Variants in LINC00305 observed in about 807,000 individuals in gnomAD.
LINC00305 encodes the protein long independently transcribed non-coding RNA 305.
At chr18:64,109,564 C>T (rs1365729646) in intron 1 of LINC00305, among the ~76,000 whole-genome samples, 1 of 152,234 alleles carries the variant, frequency 6.6e-6, no homozygotes, top group Admixed American at 6.5e-5. Flanking sequence ...GCCTCATCGT[C>T]ATCATCATGA....
chr18:64,146,131 C>A (rs979076664), intron 1 of LINC00305, among the ~76,000 whole-genome samples: 1 of 151,982 alleles, frequency 6.6e-6, no homozygotes, highest in African/African-American at 2.4e-5. Flanking sequence ...TTATTCAGCA[C>A]TGAGTTAATT....
At chr18:64,143,506 T>A (rs1243096150) in intron 1 of LINC00305, among the ~76,000 whole-genome samples, 3 of 137,822 alleles carry the variant, frequency 2.2e-5, no homozygotes, top group Non-Finnish European at 4.4e-5. Context: ...TATATATATG[T>A]ATACCATCAA....
chr18:64,145,572 C>A (rs2051493569), intron 1 of LINC00305, among the ~76,000 whole-genome samples: 1 of 152,106 alleles, frequency 6.6e-6, no homozygotes, highest in Non-Finnish European at 1.5e-5. Context: ...CACAATAACC[C>A]AGATAATATT....
chr18:64,115,506 G>A (rs996348803), intron 1 of LINC00305, among the ~76,000 whole-genome samples: 1 of 152,056 alleles, frequency 6.6e-6, no homozygotes, highest in Non-Finnish European at 1.5e-5. Context: ...GTAGGAGGGG[G>A]AACGTGAGGG....
intron 3 of LINC00305, among the ~76,000 whole-genome samples, chr18:64,084,499 A>C (rs1483739030): frequency 6.6e-6 from 1 of 152,228 alleles, no homozygotes; most frequent in Non-Finnish European, 1.5e-5. Context: ...AAAAAGTTAA[A>C]AAACAATGTT....
At chr18:64,098,666 T>A (rs979941188) in intron 1 of LINC00305, 2 of 420,760 alleles carry the variant, frequency 4.8e-6, no homozygotes, top group Non-Finnish European at 9.4e-6. Context: ...GAAAATAAAT[T>A]GTTGTTTTCA....
chr18:64,092,477 G>A (rs1273576557), intron 3 of LINC00305, among the ~76,000 whole-genome samples: 6 of 152,114 alleles, frequency 3.9e-5, no homozygotes, highest in Non-Finnish European at 5.9e-5. Flanking sequence ...CCGGAGAATC[G>A]CTTGAACCCG....
chr18:64,097,448 C>T (rs1451519066), intron 3 of LINC00305, among the ~76,000 whole-genome samples: 1 of 152,074 alleles, frequency 6.6e-6, no homozygotes, highest in Non-Finnish European at 1.5e-5. Context: ...AGAAATACAA[C>T]TTACTGTAAC....
At chr18:64,096,313 A>C (rs1340235993) in intron 3 of LINC00305, among the ~76,000 whole-genome samples, 2 of 152,004 alleles carry the variant, frequency 1.3e-5, no homozygotes, top group African/African-American at 4.8e-5. Context: ...AAAATCTTAG[A>C]AGTTTTTAAA....
intron 1 of LINC00305, among the ~76,000 whole-genome samples, chr18:64,103,699 A>G (rs1326713623): frequency 6.6e-6 from 1 of 152,206 alleles, no homozygotes; most frequent in African/African-American, 2.4e-5. Context: ...ATGGCTGATA[A>G]CCAGCATTGT....
intron 1 of LINC00305, among the ~76,000 whole-genome samples, chr18:64,146,802 T>C (rs2051500301): frequency 6.6e-6 from 1 of 152,130 alleles, no homozygotes; most frequent in South Asian, 2.1e-4. Flanking sequence ...GCTGAGAATT[T>C]CTCTAGCAGA....
chr18:64,134,417 C>A (rs546930738), intron 1 of LINC00305, among the ~76,000 whole-genome samples: 2 of 152,324 alleles, frequency 1.3e-5, no homozygotes, highest in African/African-American at 4.8e-5. Context: ...TATGACTTCT[C>A]TGCTTCCCTA....
intron 1 of LINC00305, among the ~76,000 whole-genome samples, chr18:64,111,935 G>T (rs1408861275): frequency 6.6e-6 from 1 of 152,218 alleles, no homozygotes; most frequent in East Asian, 1.9e-4. Context: ...GTGAGAAAAA[G>T]TGAGAGCTTA....
At chr18:64,145,951 T>C (rs2051495728) in intron 1 of LINC00305, among the ~76,000 whole-genome samples, 1 of 152,130 alleles carries the variant, frequency 6.6e-6, no homozygotes, top group Non-Finnish European at 1.5e-5. Context: ...ACAAGATAGA[T>C]TGCAGACAAA....
chr18:64,091,752 A>G (rs947327349), intron 3 of LINC00305, among the ~76,000 whole-genome samples: 1 of 152,250 alleles, frequency 6.6e-6, no homozygotes, highest in East Asian at 1.9e-4. Flanking sequence ...ATCTGAAAGC[A>G]GATGACATAG....
chr18:64,121,265 G>C (rs374909153), intron 1 of LINC00305, among the ~76,000 whole-genome samples: 2 of 151,932 alleles, frequency 1.3e-5, no homozygotes, highest in South Asian at 4.1e-4. Flanking sequence ...TTGGGTGGTG[G>C]TGAAGTCAGG....
chr18:64,131,240 A>T (rs191435245), intron 1 of LINC00305, among the ~76,000 whole-genome samples: 1 of 152,348 alleles, frequency 6.6e-6, no homozygotes, highest in Admixed American at 6.5e-5. Flanking sequence ...AAACGTTGGA[A>T]CTACATGCTA....
At chr18:64,143,387 T>G (rs1387773953) in intron 1 of LINC00305, among the ~76,000 whole-genome samples, 1 of 151,626 alleles carries the variant, frequency 6.6e-6, no homozygotes, top group East Asian at 1.9e-4. Flanking sequence ...CTGAAAAGCA[T>G]TGATGGTGTG....
intron 1 of LINC00305, among the ~76,000 whole-genome samples, chr18:64,146,093 C>T (rs1188469012): frequency 1.3e-5 from 2 of 151,994 alleles, no homozygotes; most frequent in African/African-American, 2.4e-5. Context: ...AGACAATTAT[C>T]TTTTTATTTT....
Sources: allele counts gnomAD v4.1 joint callset (sites outside exome capture counted in the v4.1 genomes callset), GRCh38; gene constraint gnomAD v4.1.1; transcripts MANE v1.5; gene names NCBI Gene and HGNC (gene_info 2026-07-23, HGNC 2026-07-21).